The following WDR86 variants were observed in gnomAD, a reference collection of about 807,000 sequenced individuals.
The protein encoded by WDR86 is WD repeat-containing protein 86.
A neutral mutation model predicts 36.5 loss-of-function variants in WDR86; 30 were observed. That is an observed-to-expected ratio of 0.82 (90% CI 0.61 to 1.11). The LOEUF is 1.11. Among genes scored for constraint, WDR86 ranks in the 50% most tolerant of loss-of-function variants. The pLI, the probability that WDR86 is intolerant of heterozygous loss-of-function variation, is 0.00. For missense variants in WDR86, 545 were observed against 561.2 expected (o/e 0.97, Z 0.29); for synonymous variants, 255 against 252.9 (o/e 1.01, Z -0.08).
Position 151,409,203 on chromosome 7 carries a change from C to CT in WDR86, c.163+223_163+224insA, listed in dbSNP as rs1365318904. On this transcript the variant is annotated intron_variant, in intron 1 of 5. Coordinates refer to ENST00000334493, the MANE Select transcript of WDR86 (RefSeq NM_198285.3). This position sits in a 1 kb window ranked among gnomAD's most constrained non-coding sequence, Gnocchi z 5.2. Reference sequence around the variant, plus strand: ...CCTCGACCCACCCACCCGATCCCGGCCGCACCCTGCTCTGCACCCGCACCC... The same window carrying CT: ...CCTCGACCCACCCACCCGATCCCGGCTCGCACCCTGCTCTGCACCCGCACCC... 25 of 703,486 alleles carry CT rather than the reference C, an allele frequency of 3.6e-5. No homozygotes were observed. In the East Asian group the frequency reaches 7.3e-4, roughly 21 times the overall value. 43.6% of individuals were successfully genotyped at this position (703,486 alleles called of 1,614,324 possible).
chr7:151,372,325 T>C (rs2108726), downstream of WDR86, among the ~76,000 whole-genome samples: 95,097 of 152,162 alleles, frequency 0.62, 30,967 homozygotes, highest in East Asian at 0.89. Context: ...TGTTCTCACA[T>C]GTGTTTACAT....
chr7:151,372,615 G>A (rs551516736), downstream of WDR86, among the ~76,000 whole-genome samples: 1 of 152,354 alleles, frequency 6.6e-6, no homozygotes, highest in South Asian at 2.1e-4. Context: ...GGCATGTGTG[G>A]TTGGGGTGGT....
chr7:151,369,562 A>G, the WDR86 span, among the ~76,000 whole-genome samples: 2 of 152,254 alleles, frequency 1.3e-5, no homozygotes, highest in East Asian at 3.8e-4. Flanking sequence ...TTAAAAAACT[A>G]TAATCATTTG....
Position 151,409,982 on chromosome 7 carries a change from G to A in WDR86, c.-393C>T. 1 of 1,010,294 alleles carries A rather than the reference G, an allele frequency of 9.9e-7. No homozygotes were observed. The highest frequency in any genetic ancestry group is 1.2e-6 in the Non-Finnish European group (1 of 847,016). The allele number at this position is 1,010,294 out of a possible 1,614,324, so 62.6% of individuals were successfully genotyped here. On this transcript the variant is annotated 5_prime_UTR_variant, in exon 1 of 6. Coordinates refer to ENST00000334493, the MANE Select transcript of WDR86 (RefSeq NM_198285.3). This position sits in a 1 kb window ranked among gnomAD's most constrained non-coding sequence, Gnocchi z 5.2. ...GCCCACGGGGCTGGGGCGGGGAGAG[G>A]AACACGGGAAGCCGAGCGCCCCGCG...
intron 1 of WDR86, chr7:151,408,524 A>G (rs1377324445): frequency 5.5e-6 from 1 of 182,444 alleles, no homozygotes; most frequent in African/African-American, 2.3e-5. Context: ...AACCAGCAGT[A>G]TCAGGATTAG....
intron 3 of WDR86, among the ~76,000 whole-genome samples, chr7:151,389,801 A>G (rs1056982608): frequency 5.3e-5 from 8 of 152,196 alleles, no homozygotes; most frequent in Non-Finnish European, 8.8e-5. Context: ...GGTGTCATAG[A>G]CCACGGGTCA....
downstream of WDR86, among the ~76,000 whole-genome samples, chr7:151,380,477 T>G (rs984511134): frequency 6.6e-6 from 1 of 152,190 alleles, no homozygotes; most frequent in Non-Finnish European, 1.5e-5. Flanking sequence ...TGCAGCGAGA[T>G]GATGAGCTCT....
downstream of WDR86, chr7:151,377,064 A>G (rs899292228): frequency 2.6e-6 from 4 of 1,561,218 alleles, no homozygotes; most frequent in East Asian, 2.3e-5. Context: ...TAGTGCCTCA[A>G]CAGACGAAGA....
downstream of WDR86, among the ~76,000 whole-genome samples, chr7:151,372,898 C>T: frequency 6.6e-6 from 1 of 152,244 alleles, no homozygotes; most frequent in East Asian, 1.9e-4. Flanking sequence ...GCTGTGGGCA[C>T]TCCAGGGCCA....
chr7:151,380,233 C>T (rs573713939), downstream of WDR86, among the ~76,000 whole-genome samples: 3 of 152,218 alleles, frequency 2.0e-5, no homozygotes, highest in East Asian at 1.9e-4. Context: ...GGAGTTACAG[C>T]GCCTGCGTCC....
intron 3 of WDR86, among the ~76,000 whole-genome samples, chr7:151,391,897 G>A (rs1799467980): frequency 6.6e-6 from 1 of 152,046 alleles, no homozygotes; most frequent in African/African-American, 2.4e-5. Context: ...CGTCCTGGGC[G>A]ATGGGGGCCT....
chr7:151,376,029 TG>T lies in WDR86; in HGVS notation n.1260del, dbSNP rs1460452954. On this transcript the variant is annotated non_coding_transcript_exon_variant, in exon 2 of 2. Coordinates refer to the WDR86 transcript ENST00000463000. ...ACCCGGGTGAATCAGGCAGCAGGAC[TG>T]GGGGAGTCCGTGCTGAAACCTTGGC... 4.7e-6 allele frequency: 4 copies of T among 849,436 alleles called. No individual in the cohort carries two copies. In the African/African-American group the frequency reaches 5.0e-5, roughly 11 times the overall value. The allele number at this position is 849,436 out of a possible 1,614,324, so 52.6% of individuals were successfully genotyped here.
In WDR86 at chr7:151,381,981, A is replaced by T. The variant is rs1358257698; in HGVS notation, c.863T>A (p.Leu288Ter). ...VSALKYHAGT[L>*]FTGSGDACAR... is the part of the protein sequence containing the mutation. Reference sequence around the variant, plus strand: ...GCAAGCGTCCCCGCTGCCCGTGAACACTGCGGACACACAGCGCGCGCTGGG... The same window carrying T: ...GCAAGCGTCCCCGCTGCCCGTGAACTCTGCGGACACACAGCGCGCGCTGGG... The change falls in exon 5 of 6, where the codon TTG becomes TAG. Residue 288 changes from leucine (L) to a stop codon, truncating the protein, a stop_gained and splice_region_variant. Coordinates refer to ENST00000334493, the MANE Select transcript of WDR86 (RefSeq NM_198285.3). LOFTEE classifies it high-confidence loss of function. This position sits in a 1 kb window ranked among gnomAD's most constrained non-coding sequence, Gnocchi z 4.8. 1.9e-6 allele frequency: 3 copies of T among 1,598,816 alleles called. No individual in the cohort carries two copies. Among genetic ancestry groups the T allele is most frequent in the Non-Finnish European group, 2.6e-6 (3 of 1,173,664 alleles).
rs1244080442 is a variant in WDR86 at position 151,381,473 on chromosome 7, C to A, written c.*109G>T. The A allele has an allele frequency of 6.8e-7, 1 of 1,479,736 alleles. No homozygotes were observed. Among genetic ancestry groups the A allele is most frequent in the Non-Finnish European group, 8.9e-7 (1 of 1,123,976 alleles). The allele number at this position is 1,479,736 out of a possible 1,614,324, so 91.7% of individuals were successfully genotyped here. On this transcript the variant is annotated 3_prime_UTR_variant, in exon 6 of 6. Transcript: ENST00000334493. The surrounding 1 kb of genome is among the most constrained non-coding windows in gnomAD (Gnocchi z 4.8). ...GGCTCTCCTCCCGCCCGGGCTTCCT[C>A]GCTCCTCGCCCCTCGCCGGCCATCG...
At chr7:151,408,347 C>T (rs1800896353) in intron 1 of WDR86, among the ~76,000 whole-genome samples, 1 of 151,942 alleles carries the variant, frequency 6.6e-6, no homozygotes, top group Non-Finnish European at 1.5e-5. Context: ...CAGGCGCCCG[C>T]CACCACGCCC....
chr7:151,403,530 G>A (rs570739324), intron 1 of WDR86, among the ~76,000 whole-genome samples: 28 of 152,226 alleles, frequency 1.8e-4, no homozygotes, highest in African/African-American at 6.3e-4. Flanking sequence ...GTTACTCTTG[G>A]AAAAACGCAA....
chr7:151,387,690 C>G (rs1461819771), intron 3 of WDR86, among the ~76,000 whole-genome samples: 1 of 152,128 alleles, frequency 6.6e-6, no homozygotes, highest in Non-Finnish European at 1.5e-5. Flanking sequence ...AAGGGAGCCC[C>G]GCAGGGGTGG....
At chr7:151,378,993 G>A (rs558900008), downstream of WDR86, among the ~76,000 whole-genome samples, 34 of 152,302 alleles carry the variant, frequency 2.2e-4, no homozygotes, top group South Asian at 4.1e-3. Context: ...GACTTGGGCC[G>A]GGCCTGCTCC....
chr7:151,369,727 A>C, the WDR86 span, among the ~76,000 whole-genome samples: 8 of 152,330 alleles, frequency 5.3e-5, no homozygotes, highest in African/African-American at 1.9e-4. Context: ...CCAAAACAAG[A>C]AGTTGGTACT....
Sources: allele counts gnomAD v4.1 joint callset (sites outside exome capture counted in the v4.1 genomes callset), GRCh38; gene constraint gnomAD v4.1.1; non-coding constraint Gnocchi (gnomAD v3.1); transcripts MANE v1.5; gene names NCBI Gene and HGNC (gene_info 2026-07-23, HGNC 2026-07-21).